NAA60: variants seen among roughly 807,000 people sequenced by gnomAD.
NAA60 encodes the protein N-alpha-acetyltransferase 60, NatF catalytic subunit.
A neutral mutation model predicts 26.1 loss-of-function variants in NAA60; 8 were observed. The ratio of observed to expected loss-of-function variants is 0.31; its 90% CI spans 0.18 to 0.55. The LOEUF is 0.55. Among genes scored for constraint, NAA60 ranks in the 20% least tolerant of loss-of-function variants. The pLI is 0.93. For missense variants in NAA60, 290 were observed against 311.3 expected (o/e 0.93, Z 0.51); for synonymous variants, 131 against 122.5 (o/e 1.07, Z -0.46).
intron 2 of NAA60, among the ~76,000 whole-genome samples, chr16:3,470,668 G>T (rs1441789473): frequency 7.2e-6 from 1 of 139,448 alleles, no homozygotes; most frequent in African/African-American, 2.5e-5. Flanking sequence ...GGGCCAGTGG[G>T]GTTGGGGGGG....
chr16:3,466,516 AG>A (rs2035772501), intron 2 of NAA60, among the ~76,000 whole-genome samples: 1 of 152,252 alleles, frequency 6.6e-6, no homozygotes. Flanking sequence ...TGAGCAAGAC[AG>A]TGGCCTGTAT....
rs552901513 is a variant in NAA60 at position 3,485,657 on chromosome 16, C to A, written c.*397C>A. On this transcript the variant is annotated 3_prime_UTR_variant, in exon 8 of 8. Coordinates refer to ENST00000407558, the MANE Select transcript of NAA60 (RefSeq NM_001083601.3). ...TTCCTGGAAAGCTGGAGGGGACTTT[C>A]TCCTGCAAGGGAGGAACGCAAGTAT... is the stretch of plus-strand genomic sequence containing the variant. 5.6e-4 allele frequency: 254 copies of A among 456,706 alleles called. 1 individual carries two copies. Among genetic ancestry groups the A allele is most frequent in the Non-Finnish European group, 9.5e-4 (215 of 226,956 alleles). 28.3% of individuals were successfully genotyped at this position (456,706 alleles called of 1,614,324 possible).
chr16:3,466,229 G>A (rs2150979173), intron 2 of NAA60, among the ~76,000 whole-genome samples: 1 of 152,350 alleles, frequency 6.6e-6, no homozygotes, highest in Non-Finnish European at 1.5e-5. Flanking sequence ...TGTCCTTGAA[G>A]AGATATGCAT....
chr16:3,465,590 C>T (rs2035703736), intron 2 of NAA60, among the ~76,000 whole-genome samples: 1 of 152,170 alleles, frequency 6.6e-6, no homozygotes, highest in Non-Finnish European at 1.5e-5. Context: ...ACAGCTTCCT[C>T]TCTGGGGGGA....
In NAA60 at chr16:3,478,064, A is replaced by AAATAATAATAATAATAATAAT. The variant is rs60478448; in HGVS notation, c.111-1401_111-1381dup. Reference sequence around the variant, plus strand: ...TGAGCGACAGTGAGACTCTGTCTCAAAATAATAATAATAATAATAATAATA... The same window carrying AAATAATAATAATAATAATAAT: ...TGAGCGACAGTGAGACTCTGTCTCAAAATAATAATAATAATAATAATAATAATAATAATAATAATAATAATA... On this transcript the variant is annotated intron_variant, in intron 3 of 7. Transcript: ENST00000407558. 5.8e-3 allele frequency among the ~76,000 whole-genome samples: 802 copies of AAATAATAATAATAATAATAAT among 137,248 alleles called. 9 individuals are homozygous for AAATAATAATAATAATAATAAT. Among genetic ancestry groups the AAATAATAATAATAATAATAAT allele is most frequent in the South Asian group, 0.023 (99 of 4,222 alleles). 90.0% of individuals were successfully genotyped at this position (137,248 alleles called of 152,430 possible). A position where few individuals can be genotyped will look rare whatever the true frequency, so the allele number is the denominator to read the frequency against.
chr16:3,464,545 C>T (rs1018607180), intron 2 of NAA60, among the ~76,000 whole-genome samples: 3 of 152,116 alleles, frequency 2.0e-5, no homozygotes, highest in African/African-American at 7.2e-5. Flanking sequence ...GCTTCCTAGG[C>T]GGTACAGAGG....
At chr16:3,445,948 T>C (rs1374500522) in intron 1 of NAA60, among the ~76,000 whole-genome samples, 3 of 152,194 alleles carry the variant, frequency 2.0e-5, no homozygotes, top group Non-Finnish European at 4.4e-5. Flanking sequence ...ATTGAAAAAT[T>C]AGACCACATT....
At chr16:3,484,094 A>G (rs2037021396) in intron 6 of NAA60, among the ~76,000 whole-genome samples, 1 of 152,010 alleles carries the variant, frequency 6.6e-6, no homozygotes, top group Non-Finnish European at 1.5e-5. Context: ...TTCCTCCTTA[A>G]CTTTCACTGG....
intron 2 of NAA60, chr16:3,458,130 A>G (rs947385869): frequency 6.1e-6 from 6 of 984,978 alleles, no homozygotes; most frequent in East Asian, 1.1e-4. Flanking sequence ...CTTCGCCTCC[A>G]GGATGCGCTG....
In NAA60 at chr16:3,476,291, G is replaced by A; in HGVS notation, c.64G>A (p.Asp22Asn). 1 of 1,613,818 alleles carries A rather than the reference G, an allele frequency of 6.2e-7. No individual in the cohort carries two copies. Among genetic ancestry groups the A allele is most frequent in the Admixed American group, 1.7e-5 (1 of 60,022 alleles). Residue 22 changes from aspartate to asparagine, a missense_variant, in exon 3 of 8, where the codon GAC (aspartate) becomes AAC (asparagine). Transcript: ENST00000407558. ...CAGCCTGCGCCTCCTCTGCCACGAT[G>A]ACATAGACACTGTGAAGCACCTGTG... ...EVSLRLLCHDDIDTVKHLCGD... is the reference protein window; with the variant it reads ...EVSLRLLCHDNIDTVKHLCGD...
At chr16:3,484,563 C>T (rs571134333) in intron 6 of NAA60, 136 bp from the exon 7 acceptor site, 22 of 1,165,128 alleles carry the variant, frequency 1.9e-5, no homozygotes, top group Non-Finnish European at 2.5e-5. Context: ...TCTGCAGAGG[C>T]TTAGCGGGCT....
intron 4 of NAA60, among the ~76,000 whole-genome samples, chr16:3,481,282 G>C (rs2036812586): frequency 6.6e-6 from 1 of 152,172 alleles, no homozygotes; most frequent in Non-Finnish European, 1.5e-5. Context: ...TGGAGATGGG[G>C]TTTCACCATG....
intron 2 of NAA60, among the ~76,000 whole-genome samples, chr16:3,471,661 G>A (rs534915004): frequency 3.3e-5 from 5 of 152,170 alleles, no homozygotes; most frequent in South Asian, 2.1e-4. Flanking sequence ...GGGCTGTACC[G>A]GCTGGTTTCG....
At chr16:3,473,168 T>C (rs1197882969) in intron 2 of NAA60, among the ~76,000 whole-genome samples, 3 of 151,998 alleles carry the variant, frequency 2.0e-5, no homozygotes, top group African/African-American at 4.8e-5. Context: ...CCTGAGTGGC[T>C]GGGATGACAG....
At position 3,479,251 on chromosome 16, in the gene NAA60, A is replaced by G. The variant is rs191041913; in HGVS notation, c.111-220A>G. On this transcript the variant is annotated intron_variant, in intron 3 of 7. Transcript: ENST00000407558. ...GCAAAACTCCGTCTCAAAAGAAAAA[A>G]ATTCCCATCAGAGATCCCCAGTCCT... 2.3e-3 allele frequency among the ~76,000 whole-genome samples: 352 copies of G among 152,252 alleles called. 1 individual carries two copies. Among genetic ancestry groups the G allele is most frequent in the African/African-American group, 7.3e-3 (305 of 41,536 alleles).
At chr16:3,448,295 A>C (rs2034637061) in intron 1 of NAA60, among the ~76,000 whole-genome samples, 176 bp from the exon 2 acceptor site, 1 of 120,860 alleles carries the variant, frequency 8.3e-6, no homozygotes, top group Non-Finnish European at 1.6e-5. Flanking sequence ...AAAAAAAAAC[A>C]TGGGTTGCTT....
chr16:3,484,539 T>C, intron 6 of NAA60, 160 bp from the exon 7 acceptor site: 1 of 949,642 alleles, frequency 1.1e-6, no homozygotes, highest in Non-Finnish European at 1.5e-6. Context: ...CTTCGTCTCA[T>C]GAGCCTTTCC....
rs2034438704 is a variant in NAA60 at position 3,443,841 on chromosome 16, G to A, written c.-77+4G>A. On this transcript the variant is annotated splice_donor_region_variant and intron_variant, in intron 1 of 7. Transcript: ENST00000407558. ...GAAAGAAAATCGGTAACAAAATGTG[G>A]GTTCGGCCAACAGTGCCCTGTAGGC... The A allele has an allele frequency of 2.6e-6, 4 of 1,533,896 alleles. No homozygotes were observed. Among genetic ancestry groups the A allele is most frequent in the Admixed American group, 3.9e-5 (2 of 50,826 alleles).
rs1198469039 is a variant in NAA60, at chr16:3,485,499, C to T, written c.*239C>T. The stretch of plus-strand genomic sequence containing the variant: ...AGCTCCCCTCCCTGCTTCTGGAAAC[C>T]TCTGCCTGCTGCCCTGGCCCTGCCC... On this transcript the variant is annotated 3_prime_UTR_variant, in exon 8 of 8. Transcript: ENST00000407558. 2 of 456,616 alleles carry T rather than the reference C, an allele frequency of 4.4e-6. No homozygotes were observed. Among genetic ancestry groups the T allele is most frequent in the Non-Finnish European group, 8.8e-6 (2 of 227,022 alleles). The allele number at this position is 456,616 out of a possible 1,614,324, so 28.3% of individuals were successfully genotyped here.
Sources: allele counts gnomAD v4.1 joint callset (sites outside exome capture counted in the v4.1 genomes callset), GRCh38; gene constraint gnomAD v4.1.1; transcripts MANE v1.5; gene names NCBI Gene and HGNC (gene_info 2026-07-23, HGNC 2026-07-21).